Variants in MLLT3 observed in about 807,000 individuals in gnomAD.
The protein encoded by MLLT3 is MLLT3 super elongation complex subunit, also known as protein AF-9.
A neutral mutation model predicts 53.2 loss-of-function variants in MLLT3; 4 were observed. The observed-to-expected ratio is 0.08, with a 90% CI of 0.04 to 0.17. MLLT3 has a LOEUF of 0.17. Ranked by LOEUF, MLLT3 falls within the 10% of genes least tolerant of loss-of-function variation. The probability of loss-of-function intolerance (pLI) is 1.00; values close to 1 mark genes in which losing one functional copy is unlikely to be tolerated. For missense variants in MLLT3, 569 were observed against 684.0 expected (o/e 0.83, Z 1.87); for synonymous variants, 283 against 230.6 (o/e 1.23, Z -2.06).
intron 10 of MLLT3, among the ~76,000 whole-genome samples, chr9:20,350,750 A>G (rs1376264542): frequency 6.6e-6 from 1 of 152,174 alleles, no homozygotes. Flanking sequence ...AAGCGGTACT[A>G]CGCAGGCTGT....
At chr9:20,523,394 T>G (rs1237287726) in intron 2 of MLLT3, among the ~76,000 whole-genome samples, 1 of 152,232 alleles carries the variant, frequency 6.6e-6, no homozygotes, top group Non-Finnish European at 1.5e-5. Context: ...AGTTGAAAAT[T>G]TAAGTCCATA....
At position 20,433,026 on chromosome 9, in the gene MLLT3, G is replaced by T. The variant is rs552080000; in HGVS notation, c.420+15097C>A. Among the ~76,000 whole-genome samples, 142 of 152,066 alleles carry T rather than the reference G, an allele frequency of 9.3e-4. 1 individual carries two copies. Among genetic ancestry groups the T allele is most frequent in the Middle Eastern group, 3.4e-3 (1 of 294 alleles). On this transcript the variant is annotated intron_variant, in intron 4 of 10. Coordinates refer to ENST00000380338, the MANE Select transcript of MLLT3 (RefSeq NM_004529.4). ...TAGTCCCCATCCACTTGGAGCTAAC[G>T]CAAGTGATGAAATTATGCCTTTTTG... is the stretch of plus-strand genomic sequence containing the variant.
intron 3 of MLLT3, among the ~76,000 whole-genome samples, chr9:20,454,605 C>A (rs919596755): frequency 6.6e-6 from 1 of 152,152 alleles, no homozygotes; most frequent in African/African-American, 2.4e-5. Flanking sequence ...TCTTTAATTT[C>A]TTTGAGTTAA....
chr9:20,346,762 C>G (rs1171029761), intron 10 of MLLT3, among the ~76,000 whole-genome samples, 188 bp from the exon 11 acceptor site: 1 of 152,030 alleles, frequency 6.6e-6, no homozygotes, highest in Non-Finnish European at 1.5e-5. Flanking sequence ...GTATATTAAG[C>G]CTTAGAAATT....
chr9:20,544,031 G>C (rs921623295), intron 2 of MLLT3, among the ~76,000 whole-genome samples: 2 of 152,172 alleles, frequency 1.3e-5, no homozygotes, highest in Non-Finnish European at 2.9e-5. Flanking sequence ...GAACAGAATA[G>C]AGAACCCAGA....
At chr9:20,568,203 G>A (rs1819433439) in intron 2 of MLLT3, among the ~76,000 whole-genome samples, 1 of 152,122 alleles carries the variant, frequency 6.6e-6, no homozygotes, top group African/African-American at 2.4e-5. Flanking sequence ...AATAAATTCA[G>A]TCGGAGAGAG....
At chr9:20,485,789 A>G (rs548508776) in intron 2 of MLLT3, among the ~76,000 whole-genome samples, 41 of 131,838 alleles carry the variant, frequency 3.1e-4, no homozygotes, top group African/African-American at 1.2e-3. Context: ...GATTTAATAC[A>G]TAAAGACTGG....
intron 2 of MLLT3, among the ~76,000 whole-genome samples, chr9:20,566,012 T>TTA (rs1819364987): frequency 7.7e-6 from 1 of 129,192 alleles, no homozygotes; most frequent in African/African-American, 2.9e-5. Flanking sequence ...ATATATATAT[T>TTA]TTTATATATA....
chr9:20,382,102 C>T (rs186982774), intron 5 of MLLT3, among the ~76,000 whole-genome samples: 1 of 151,652 alleles, frequency 6.6e-6, no homozygotes, highest in African/African-American at 2.4e-5. Context: ...CACTGGGGCT[C>T]CTATTTTAAA....
In MLLT3 at chr9:20,346,592, A is replaced by C. The variant is rs761840197; in HGVS notation, c.1576-18T>G. 2 of 1,608,956 alleles carry C rather than the reference A, an allele frequency of 1.2e-6. No individual in the cohort carries two copies. Among genetic ancestry groups the C allele is most frequent in the Non-Finnish European group, 1.7e-6 (2 of 1,178,268 alleles). ...TTCACGATCTAGAGGAGTGAAGAAG[A>C]GAAAGTTTGGGCAATACGCAGCAAA... On this transcript the variant is annotated intron_variant, in intron 10 of 10. Transcript: ENST00000380338.
At chr9:20,372,461 C>T (rs1821630232) in intron 5 of MLLT3, among the ~76,000 whole-genome samples, 1 of 151,936 alleles carries the variant, frequency 6.6e-6, no homozygotes, top group South Asian at 2.1e-4. Flanking sequence ...GCAGTGGCAC[C>T]ATCTCGGCTC....
rs141422169 is a variant in MLLT3 at position 20,392,506 on chromosome 9, C to T, written c.1125+21215G>A. 4.3e-3 allele frequency among the ~76,000 whole-genome samples: 650 copies of T among 152,294 alleles called. 5 individuals are homozygous for T. The highest frequency in any genetic ancestry group is 0.015 in the African/African-American group (612 of 41,568). ...TATAAACTGTCTCTAAGGCCCATCT[C>T]CCTTTTCCTTTACTAATCAAAATAA... On this transcript the variant is annotated intron_variant, in intron 5 of 10. Coordinates refer to ENST00000380338, the MANE Select transcript of MLLT3 (RefSeq NM_004529.4).
intron 5 of MLLT3, among the ~76,000 whole-genome samples, chr9:20,372,821 A>G (rs923086135): frequency 1.3e-5 from 2 of 152,152 alleles, no homozygotes; most frequent in Non-Finnish European, 2.9e-5. Flanking sequence ...GACTATGACT[A>G]GCTGAAGGCC....
At chr9:20,350,367 G>C (rs183853338) in intron 10 of MLLT3, among the ~76,000 whole-genome samples, 2 of 152,090 alleles carry the variant, frequency 1.3e-5, no homozygotes, top group Non-Finnish European at 2.9e-5. Flanking sequence ...AGGCCAAGGC[G>C]GGCGGATCAC....
Position 20,346,271 on chromosome 9 carries a change from G to T in MLLT3, c.*172C>A. ...TCTCCTTTATCAAGAGATGATGACT[G>T]GCTTTAAAGAAAAATAAAGCTGAAG... On this transcript the variant is annotated 3_prime_UTR_variant, in exon 11 of 11. Coordinates refer to ENST00000380338, the MANE Select transcript of MLLT3 (RefSeq NM_004529.4). The T allele has an allele frequency of 1.5e-6, 1 of 671,252 alleles. No individual in the cohort carries two copies. The highest frequency in any genetic ancestry group is 2.3e-6 in the Non-Finnish European group (1 of 431,118). 41.6% of individuals were successfully genotyped at this position (671,252 alleles called of 1,614,324 possible).
At chr9:20,371,626 C>T (rs1821603947) in intron 5 of MLLT3, among the ~76,000 whole-genome samples, 1 of 152,204 alleles carries the variant, frequency 6.6e-6, no homozygotes, top group South Asian at 2.1e-4. Flanking sequence ...TTGAGACCTA[C>T]TACTCACAAT....
chr9:20,415,561 C>T, intron 4 of MLLT3: 5 of 339,554 alleles, frequency 1.5e-5, no homozygotes, highest in Non-Finnish European at 2.1e-5. Context: ...CTAATGGAAC[C>T]AAAGACAAAT....
At chr9:20,569,955 A>G (rs1200761898) in intron 2 of MLLT3, among the ~76,000 whole-genome samples, 1 of 152,102 alleles carries the variant, frequency 6.6e-6, no homozygotes, top group East Asian at 1.9e-4. Flanking sequence ...TTGGCTCCTC[A>G]TTTGCCCCCA....
At chr9:20,526,350 A>T (rs1337885623) in intron 2 of MLLT3, among the ~76,000 whole-genome samples, 1 of 152,182 alleles carries the variant, frequency 6.6e-6, no homozygotes, top group African/African-American at 2.4e-5. Flanking sequence ...ACCCACTAAC[A>T]TTACTACACC....
Sources: gnomAD v4.1 joint callset for allele counts (sites outside exome capture counted in the v4.1 genomes callset) on GRCh38, gnomAD v4.1.1 for gene constraint, MANE v1.5 for transcripts, NCBI Gene and HGNC (gene_info 2026-07-23, HGNC 2026-07-21) for gene names.